IDO2: variants seen among roughly 807,000 people sequenced by gnomAD.
IDO2 encodes the protein indoleamine 2,3-dioxygenase-like 1 protein.
IDO2 carries 46 observed loss-of-function variants against 45.1 expected under a neutral mutation model. The observed-to-expected ratio is 1.02, with a 90% CI of 0.80 to 1.30. The LOEUF is 1.30. IDO2 is among the 50% of genes most tolerant of loss of function. The pLI is 0.00. For synonymous variants in IDO2, 218 were observed against 184.9 expected (o/e 1.18, Z -1.45); for missense variants, 544 against 491.8 (o/e 1.11, Z -1.00).
At chr8:39,980,240 T>G (rs1208658192) in intron 4 of IDO2, among the ~76,000 whole-genome samples, 1 of 152,198 alleles carries the variant, frequency 6.6e-6, no homozygotes, top group Admixed American at 6.5e-5. Context: ...CGGCCCATTT[T>G]ACAACTGAAA....
At chr8:39,945,893 C>T (rs149618731) in intron 1 of IDO2, among the ~76,000 whole-genome samples, 266 of 152,264 alleles carry the variant, frequency 1.7e-3, no homozygotes, top group African/African-American at 2.5e-3. Context: ...TATTCATTCC[C>T]GGGCATAGGC....
intron 1 of IDO2, among the ~76,000 whole-genome samples, chr8:39,942,289 G>C (rs141813410): frequency 0.014 from 2,128 of 152,260 alleles, 64 homozygotes; most frequent in African/African-American, 0.049. Context: ...GTGTTGAAAG[G>C]CCATGTAGCT....
intron 1 of IDO2, among the ~76,000 whole-genome samples, chr8:39,941,683 A>G (rs1807645059): frequency 6.6e-6 from 1 of 152,186 alleles, no homozygotes; most frequent in Non-Finnish European, 1.5e-5. Flanking sequence ...AGATAGAGAA[A>G]TGGCTCATTA....
intron 3 of IDO2, among the ~76,000 whole-genome samples, chr8:39,971,976 T>C (rs1269986230): frequency 1.3e-5 from 2 of 152,072 alleles, no homozygotes; most frequent in African/African-American, 2.4e-5. Flanking sequence ...GCCCACCTAA[T>C]TTTTTGTATT....
At chr8:39,972,069 C>A (rs1223489268) in intron 3 of IDO2, among the ~76,000 whole-genome samples, 1 of 152,162 alleles carries the variant, frequency 6.6e-6, no homozygotes, top group Non-Finnish European at 1.5e-5. Context: ...CTTGGCCTCC[C>A]AAAGTGCTGG....
intron 6 of IDO2, chr8:39,987,624 C>T (rs1808444363): frequency 6.7e-6 from 3 of 445,956 alleles, no homozygotes; most frequent in Non-Finnish European, 1.2e-5. Context: ...TGGTCCAGGA[C>T]CATTAGGGCC....
In IDO2 at chr8:39,980,112, T is replaced by G. The variant is rs117892644; in HGVS notation, c.315+926T>G. ...CTGGGATTACAGGCGTGAGCCACCA[T>G]GCCGGGCCTGAAGACAGACTCTGAG... On this transcript the variant is annotated intron_variant, in intron 4 of 10. Coordinates refer to ENST00000502986, the Ensembl canonical transcript of IDO2. Among the ~76,000 whole-genome samples, 857 of 152,324 alleles carry G rather than the reference T, an allele frequency of 5.6e-3. 24 individuals carry two copies. The highest frequency in any genetic ancestry group is 0.053 in the East Asian group (276 of 5,184).
At chr8:39,997,092 C>T (rs924982524) in intron 8 of IDO2, among the ~76,000 whole-genome samples, 2 of 152,134 alleles carry the variant, frequency 1.3e-5, no homozygotes, top group Non-Finnish European at 2.9e-5. Context: ...TCTAGCTAAA[C>T]TATTATGCAA....
chr8:39,968,334 G>C (rs916462757), intron 3 of IDO2, among the ~76,000 whole-genome samples: 3 of 152,160 alleles, frequency 2.0e-5, no homozygotes, highest in Non-Finnish European at 4.4e-5. Context: ...ATTAAATATA[G>C]CTTTATGGTT....
intron 1 of IDO2, among the ~76,000 whole-genome samples, chr8:39,939,078 C>A (rs1226603501): frequency 6.6e-6 from 1 of 151,268 alleles, no homozygotes; most frequent in African/African-American, 2.4e-5. Flanking sequence ...ATGGTGAAAC[C>A]CCGGCTCTAC....
chr8:39,987,759 G>A (rs1188058782), intron 6 of IDO2, 112 bp from the exon 7 acceptor site: 8 of 645,816 alleles, frequency 1.2e-5, no homozygotes, highest in Non-Finnish European at 2.2e-5. Context: ...AGAGGAGAAA[G>A]TTGTGCAGTG....
intron 1 of IDO2, among the ~76,000 whole-genome samples, chr8:39,937,265 T>G (rs1807567168): frequency 6.6e-6 from 1 of 152,198 alleles, no homozygotes; most frequent in Non-Finnish European, 1.5e-5. Flanking sequence ...CCAACAGTTA[T>G]GTTTCACAGA....
intron 1 of IDO2, among the ~76,000 whole-genome samples, chr8:39,939,121 G>A (rs936592708): frequency 5.9e-5 from 9 of 151,838 alleles, no homozygotes; most frequent in Non-Finnish European, 1.2e-4. Flanking sequence ...GTGTGGTGGC[G>A]GGCGCCTGCT....
chr8:40,015,192 G>A, intron 10 of IDO2, 55 bp from the exon 11 acceptor site: 2 of 1,014,904 alleles, frequency 2.0e-6, no homozygotes, highest in South Asian at 3.1e-5. Context: ...AAGCAGACGA[G>A]CTCTGCTATA....
chr8:40,013,778 T>A (rs149094196), intron 10 of IDO2, 65 bp downstream of exon 10: 32 of 452,582 alleles, frequency 7.1e-5, no homozygotes, highest in South Asian at 1.8e-4. Context: ...TTTTTTTTTT[T>A]TCCAATTGAT....
intron 1 of IDO2, among the ~76,000 whole-genome samples, chr8:39,938,363 A>G (rs1807589948): frequency 6.6e-6 from 1 of 152,168 alleles, no homozygotes; most frequent in Admixed American, 6.5e-5. Flanking sequence ...TTATCAGGAA[A>G]TATATCTGTA....
At chr8:39,982,619 A>G in intron 4 of IDO2, 33 bp from the exon 5 acceptor site, 1 of 1,377,022 alleles carries the variant, frequency 7.3e-7, no homozygotes, top group South Asian at 1.3e-5. Context: ...AGCTTTCTAG[A>G]ATATGCTATT....
intron 2 of IDO2, among the ~76,000 whole-genome samples, chr8:39,952,959 G>A (rs1351413435): frequency 6.6e-6 from 1 of 150,866 alleles, no homozygotes; most frequent in Non-Finnish European, 1.5e-5. Context: ...GTACAGATGG[G>A]GTTTCTCCAT....
At chr8:39,971,256 G>A (rs1202101624) in intron 3 of IDO2, among the ~76,000 whole-genome samples, 2 of 152,116 alleles carry the variant, frequency 1.3e-5, no homozygotes, top group African/African-American at 4.8e-5. Context: ...ATAAGGCCTG[G>A]ATGATGGCAT....
Sources: allele counts gnomAD v4.1 joint callset (sites outside exome capture counted in the v4.1 genomes callset), GRCh38; gene constraint gnomAD v4.1.1; transcripts MANE v1.5; gene names NCBI Gene and HGNC (gene_info 2026-07-23, HGNC 2026-07-21).